IQCM: variants seen among roughly 807,000 people sequenced by gnomAD.
The protein encoded by IQCM is IQ motif containing M.
IQCM carries 45 observed loss-of-function variants against 57.6 expected under a neutral mutation model. The observed-to-expected ratio is 0.78, with a 90% confidence interval of 0.62 to 1.00. The LOEUF is 1.00. IQCM is among the 50% of genes least tolerant of loss of function. The probability of loss-of-function intolerance (pLI) is 0.00; values close to 1 mark genes in which losing one functional copy is unlikely to be tolerated. For synonymous variants in IQCM, 148 were observed against 158.9 expected (o/e 0.93, Z 0.51); for missense variants, 468 against 511.6 (o/e 0.91, Z 0.82).
intron 12 of IQCM, among the ~76,000 whole-genome samples, chr4:149,522,529 G>A (rs551879074): frequency 6.6e-5 from 10 of 152,216 alleles, no homozygotes; most frequent in African/African-American, 2.2e-4. Context: ...ATAATTCAGT[G>A]AATACATTGT....
intron 13 of IQCM, among the ~76,000 whole-genome samples, chr4:149,385,581 T>G (rs1259319856): frequency 7.9e-5 from 12 of 152,126 alleles, no homozygotes; most frequent in Non-Finnish European, 1.6e-4. Context: ...TCTATCCAAC[T>G]GATTTACTTG....
intron 3 of IQCM, among the ~76,000 whole-genome samples, chr4:149,737,919 A>G (rs1265921992): frequency 4.6e-5 from 7 of 152,112 alleles, no homozygotes; most frequent in African/African-American, 1.4e-4. Context: ...CCTTACAATT[A>G]CTTTAATTAC....
chr4:149,657,158 T>A (rs1055016137), intron 7 of IQCM, among the ~76,000 whole-genome samples: 1 of 152,118 alleles, frequency 6.6e-6, no homozygotes. Context: ...CTTCTTTCCA[T>A]CCTCCTCCAC....
chr4:149,480,728 G>A (rs997863678), intron 12 of IQCM, among the ~76,000 whole-genome samples: 4 of 152,170 alleles, frequency 2.6e-5, no homozygotes, highest in African/African-American at 4.8e-5. Flanking sequence ...ACATGGGAGT[G>A]CAGTTACCTC....
At chr4:149,741,323 CAG>C (rs1767436542) in intron 3 of IQCM, among the ~76,000 whole-genome samples, 1 of 152,100 alleles carries the variant, frequency 6.6e-6, no homozygotes, top group Non-Finnish European at 1.5e-5. Context: ...ATATATACCT[CAG>C]ACATATCTTA....
intron 13 of IQCM, among the ~76,000 whole-genome samples, chr4:149,387,688 T>C (rs932603691): frequency 2.0e-5 from 3 of 152,164 alleles, no homozygotes; most frequent in Non-Finnish European, 2.9e-5. Context: ...CTTTATAGCT[T>C]TATTTCATGA....
At chr4:149,807,849 A>T (rs554368939) in intron 2 of IQCM, among the ~76,000 whole-genome samples, 4 of 152,054 alleles carry the variant, frequency 2.6e-5, no homozygotes, top group African/African-American at 9.7e-5. Context: ...ATCACTAATC[A>T]CCAGGAAGAT....
chr4:149,611,233 G>A (rs1354356183), intron 8 of IQCM, among the ~76,000 whole-genome samples: 3 of 151,576 alleles, frequency 2.0e-5, no homozygotes, highest in Non-Finnish European at 4.4e-5. Flanking sequence ...GCAGAGAAAT[G>A]AAAAATGTAA....
chr4:149,759,595 G>A (rs2149958717), intron 2 of IQCM, among the ~76,000 whole-genome samples: 1 of 152,028 alleles, frequency 6.6e-6, no homozygotes, highest in Admixed American at 6.6e-5. Context: ...CAATATATAG[G>A]AAATCTCTAT....
In IQCM at chr4:149,640,681, A is replaced by G. The variant is rs1313743973; in HGVS notation, c.566-19437T>C. Among the ~76,000 whole-genome samples the G allele has an allele frequency of 2.0e-5, 3 of 152,216 alleles. No individual in the cohort carries two copies. In the East Asian group the frequency reaches 5.8e-4, roughly 29 times the overall value. On this transcript the variant is annotated intron_variant, in intron 7 of 13. Transcript: ENST00000636793. ...GTTAACATCTTCAGTTTTTCTAAAG[A>G]AGTTATCCTTTTTATCCAACGTTGT...
At chr4:149,607,025 A>T (rs1033451757) in intron 8 of IQCM, among the ~76,000 whole-genome samples, 5 of 152,124 alleles carry the variant, frequency 3.3e-5, no homozygotes, top group Non-Finnish European at 5.9e-5. Flanking sequence ...AACTTTCCAA[A>T]TCCAGAGAAA....
At chr4:149,446,845 A>C (rs1314829288) in intron 12 of IQCM, among the ~76,000 whole-genome samples, 1 of 151,638 alleles carries the variant, frequency 6.6e-6, no homozygotes. Flanking sequence ...TATATTTTAC[A>C]TGTATTATAA....
intron 7 of IQCM, among the ~76,000 whole-genome samples, chr4:149,660,298 G>T (rs1247033330): frequency 6.6e-6 from 1 of 152,140 alleles, no homozygotes; most frequent in Admixed American, 6.5e-5. Flanking sequence ...CCTCACACCA[G>T]TTAGAATGGC....
At chr4:149,642,277 A>G (rs1458904652) in intron 7 of IQCM, among the ~76,000 whole-genome samples, 1 of 152,188 alleles carries the variant, frequency 6.6e-6, no homozygotes. Flanking sequence ...AGATTCATAT[A>G]TATGAAATGC....
chr4:149,611,648 G>C (rs1347524428), intron 8 of IQCM, among the ~76,000 whole-genome samples: 2 of 152,046 alleles, frequency 1.3e-5, no homozygotes, highest in Non-Finnish European at 2.9e-5. Flanking sequence ...ATCTCATGGA[G>C]AGAGGGAGTA....
At chr4:149,402,635 T>C (rs1732698795) in intron 13 of IQCM, among the ~76,000 whole-genome samples, 1 of 151,732 alleles carries the variant, frequency 6.6e-6, no homozygotes, top group South Asian at 2.1e-4. Flanking sequence ...CATAATCATG[T>C]TGGGGATCAA....
At chr4:149,520,600 T>A (rs1172225113) in intron 12 of IQCM, among the ~76,000 whole-genome samples, 1 of 152,110 alleles carries the variant, frequency 6.6e-6, no homozygotes, top group South Asian at 2.1e-4. Context: ...AAATGTACCA[T>A]CTCAAGGGGC....
At chr4:149,434,430 A>G (rs1735154690) in intron 12 of IQCM, among the ~76,000 whole-genome samples, 1 of 152,122 alleles carries the variant, frequency 6.6e-6, no homozygotes, top group African/African-American at 2.4e-5. Flanking sequence ...AATTCAACAA[A>G]GCAGTCTCCT....
chr4:149,587,933 G>T lies in IQCM; in HGVS notation c.746C>A (p.Pro249His), dbSNP rs1752787629. 8.2e-6 allele frequency: 10 copies of T among 1,213,000 alleles called. No individual in the cohort carries two copies. The highest frequency in any genetic ancestry group is 1.0e-5 in the Non-Finnish European group (10 of 971,236). 75.1% of individuals were successfully genotyped at this position (1,213,000 alleles called of 1,614,324 possible). A position where few individuals can be genotyped will look rare whatever the true frequency, so the allele number is the denominator to read the frequency against. Reference sequence around the variant, plus strand: ...TTCTATTATATAAAAGATATACCTGGGTTGTGATTTTGGTTCTGGCTTGAT... The same window carrying T: ...TTCTATTATATAAAAGATATACCTGTGTTGTGATTTTGGTTCTGGCTTGAT... ...QPIKPEPKSQ[P>H]RIKGTPNKTD... The change falls in exon 9 of 14, where the codon CCC (proline) becomes CAC (histidine). Residue 249 changes from proline to histidine, a missense_variant. Coordinates refer to ENST00000636793, the MANE Select transcript of IQCM (RefSeq NM_001363507.2).
Sources: allele counts gnomAD v4.1 joint callset (sites outside exome capture counted in the v4.1 genomes callset), GRCh38; gene constraint gnomAD v4.1.1; transcripts MANE v1.5; gene names NCBI Gene and HGNC (gene_info 2026-07-23, HGNC 2026-07-21).